Variants in ZCCHC7 observed in about 807,000 individuals in gnomAD.
ZCCHC7 encodes zinc finger CCHC domain-containing protein 7.
ZCCHC7 carries 35 observed loss-of-function variants against 52.0 expected under a neutral mutation model. The observed-to-expected ratio is 0.67, with a 90% confidence interval of 0.51 to 0.89. The LOEUF (loss-of-function observed/expected upper bound fraction) is 0.89. ZCCHC7 is among the 40% of genes least tolerant of loss of function. The pLI is 0.00. For synonymous variants in ZCCHC7, 217 were observed against 221.5 expected, an observed-to-expected ratio of 0.98 and a Z score of 0.18; for missense variants, 574 against 649.1, an observed-to-expected ratio of 0.88 and a Z score of 1.26.
At chr9:37,180,844 T>C (rs1822312950) in intron 2 of ZCCHC7, among the ~76,000 whole-genome samples, 1 of 152,166 alleles carries the variant, frequency 6.6e-6, no homozygotes, top group African/African-American at 2.4e-5. Context: ...GATACTTTAT[T>C]CTAAGTGAGA....
intron 2 of ZCCHC7, among the ~76,000 whole-genome samples, chr9:37,206,302 CT>C (rs1442229323): frequency 1.3e-5 from 2 of 150,692 alleles, no homozygotes; most frequent in East Asian, 3.9e-4. Flanking sequence ...CCCCTTCCCC[CT>C]CTCCCTCTCC....
intron 2 of ZCCHC7, among the ~76,000 whole-genome samples, chr9:37,208,970 A>G (rs1369724528): frequency 1.3e-5 from 2 of 152,152 alleles, no homozygotes; most frequent in African/African-American, 2.4e-5. Context: ...ACTTCTTTTT[A>G]AAAAATTTTA....
intron 2 of ZCCHC7, among the ~76,000 whole-genome samples, chr9:37,198,590 A>G (rs557634713): frequency 6.6e-6 from 1 of 152,304 alleles, no homozygotes; most frequent in African/African-American, 2.4e-5. Context: ...AGGAATTAAG[A>G]TAATACAAAG....
intron 2 of ZCCHC7, among the ~76,000 whole-genome samples, chr9:37,241,862 A>G (rs978113340): frequency 6.6e-6 from 1 of 151,792 alleles, no homozygotes; most frequent in Non-Finnish European, 1.5e-5. Context: ...TATAACTTCC[A>G]AATTGACTGC....
chr9:37,187,103 TTTTG>T (rs1439536818), intron 2 of ZCCHC7: 2 of 156,630 alleles, frequency 1.3e-5, no homozygotes, highest in African/African-American at 4.8e-5. Context: ...GCTCAGTGTA[TTTTG>T]TTTATTTTAA....
At chr9:37,215,207 C>T (rs1054334149) in intron 2 of ZCCHC7, among the ~76,000 whole-genome samples, 2 of 151,996 alleles carry the variant, frequency 1.3e-5, no homozygotes, top group Non-Finnish European at 2.9e-5. Flanking sequence ...TTAATGCTTC[C>T]TTGGTAAAAG....
At chr9:37,128,440 T>TG (rs1345124437) in intron 2 of ZCCHC7, among the ~76,000 whole-genome samples, 1 of 152,212 alleles carries the variant, frequency 6.6e-6, no homozygotes, top group Non-Finnish European at 1.5e-5. Flanking sequence ...TTTGAGGCAG[T>TG]GGTTACCAGT....
intron 2 of ZCCHC7, among the ~76,000 whole-genome samples, chr9:37,221,891 TTG>T (rs1824832109): frequency 6.6e-6 from 1 of 152,102 alleles, no homozygotes; most frequent in South Asian, 2.1e-4. Context: ...CTCAAATATG[TTG>T]TGTTTGCTCT....
chr9:37,273,931 C>G (rs1485757789), intron 2 of ZCCHC7, among the ~76,000 whole-genome samples: 2 of 151,926 alleles, frequency 1.3e-5, no homozygotes, highest in Non-Finnish European at 2.9e-5. Flanking sequence ...TGTGGCTTGT[C>G]CTTTAAGTTT....
At chr9:37,182,763 C>T (rs947815593) in intron 2 of ZCCHC7, among the ~76,000 whole-genome samples, 7 of 152,186 alleles carry the variant, frequency 4.6e-5, no homozygotes, top group African/African-American at 1.7e-4. Flanking sequence ...TCAGTATATT[C>T]ATTTTAGTGT....
chr9:37,349,034 G>A (rs1420768476), intron 6 of ZCCHC7, among the ~76,000 whole-genome samples: 1 of 152,114 alleles, frequency 6.6e-6, no homozygotes, highest in Non-Finnish European at 1.5e-5. Context: ...TCACTGTATT[G>A]ACATTGTTTT....
At chr9:37,233,596 T>C (rs960339192) in intron 2 of ZCCHC7, among the ~76,000 whole-genome samples, 3 of 152,188 alleles carry the variant, frequency 2.0e-5, no homozygotes, top group African/African-American at 7.2e-5. Flanking sequence ...AAATCTTTCC[T>C]CACCTTGTTT....
At chr9:37,281,850 C>A (rs1239401993) in intron 2 of ZCCHC7, among the ~76,000 whole-genome samples, 1 of 152,192 alleles carries the variant, frequency 6.6e-6, no homozygotes, top group Non-Finnish European at 1.5e-5. Context: ...TATCATAAAA[C>A]AGCTGAATTA....
chr9:37,311,376 A>G (rs1440114610), intron 5 of ZCCHC7, among the ~76,000 whole-genome samples: 1 of 152,188 alleles, frequency 6.6e-6, no homozygotes, highest in African/African-American at 2.4e-5. Flanking sequence ...GTGGGAGAAA[A>G]TAATTCATAG....
At chr9:37,247,101 C>T (rs1027907073) in intron 2 of ZCCHC7, among the ~76,000 whole-genome samples, 10 of 152,140 alleles carry the variant, frequency 6.6e-5, no homozygotes, top group Admixed American at 6.5e-4. Flanking sequence ...CACCAAACTC[C>T]TGGTAACCAC....
At chr9:37,166,673 A>C (rs1284043473) in intron 2 of ZCCHC7, among the ~76,000 whole-genome samples, 1 of 151,886 alleles carries the variant, frequency 6.6e-6, no homozygotes, top group Non-Finnish European at 1.5e-5. Context: ...ATTTGAGATC[A>C]TTCTTTTAGT....
chr9:37,135,525 T>A (rs2132737302), intron 2 of ZCCHC7, among the ~76,000 whole-genome samples: 1 of 152,346 alleles, frequency 6.6e-6, no homozygotes, highest in African/African-American at 2.4e-5. Flanking sequence ...TGGTATAGAA[T>A]TTTGTGTCAA....
At chr9:37,248,769 G>A (rs1053688558) in intron 2 of ZCCHC7, among the ~76,000 whole-genome samples, 2 of 152,142 alleles carry the variant, frequency 1.3e-5, no homozygotes, top group African/African-American at 4.8e-5. Context: ...ATACTTTCCT[G>A]ATTTTACTGC....
At chr9:37,127,438 CA>C (rs1842592941) in intron 2 of ZCCHC7, among the ~76,000 whole-genome samples, 1 of 152,170 alleles carries the variant, frequency 6.6e-6, no homozygotes, top group Non-Finnish European at 1.5e-5. Context: ...AGGTACTCCA[CA>C]GTCAGAAAGA....
Sources: gnomAD v4.1 joint callset for allele counts (sites outside exome capture counted in the v4.1 genomes callset) on GRCh38, gnomAD v4.1.1 for gene constraint, MANE v1.5 for transcripts, NCBI Gene and HGNC (gene_info 2026-07-23, HGNC 2026-07-21) for gene names.